Variants in TNRC6C observed in about 807,000 individuals in gnomAD.
TNRC6C encodes trinucleotide repeat containing adaptor 6C, also known as trinucleotide repeat-containing gene 6C protein.
TNRC6C carries 20 observed loss-of-function variants against 153.7 expected under a neutral mutation model. The observed-to-expected ratio is 0.13, with a 90% CI of 0.09 to 0.19. The LOEUF (loss-of-function observed/expected upper bound fraction) is 0.19. Ranked by LOEUF, TNRC6C falls within the 10% of genes least tolerant of loss-of-function variation. TNRC6C has a pLI of 1.00. For synonymous variants in TNRC6C, 811 were observed against 841.4 expected (o/e 0.96, Z 0.63); for missense variants, 1,987 against 2,172.0 (o/e 0.91, Z 1.69).
At chr17:78,091,256 G>T in intron 13 of TNRC6C, 184 bp from the exon 16 acceptor site, 1 of 513,138 alleles carries the variant, frequency 1.9e-6, no homozygotes, top group Non-Finnish European at 3.1e-6. Flanking sequence ...AACCTGGGAG[G>T]CGGAGGTTGC....
chr17:77,979,760 AAAAT>A (rs2071047992), intron 1 of TNRC6C, among the ~76,000 whole-genome samples: 2 of 152,176 alleles, frequency 1.3e-5, no homozygotes, highest in African/African-American at 4.8e-5. Context: ...CCAAAAAACA[AAAAT>A]AAAGGGAAAA....
intron 2 of TNRC6C, among the ~76,000 whole-genome samples, chr17:78,045,417 C>G (rs558727825): frequency 6.6e-6 from 1 of 151,978 alleles, no homozygotes; most frequent in African/African-American, 2.4e-5. Flanking sequence ...CCAGTATTGC[C>G]CCATTGGTGG....
exon 20 of TNRC6C, chr17:78,105,588 C>G (rs1470471832): frequency 6.6e-6 from 1 of 152,206 alleles, no homozygotes; most frequent in African/African-American, 2.4e-5. Context: ...GGAAAAATTT[C>G]TAAGTTCATA....
rs2073069245 is a variant in TNRC6C at position 78,075,530 on chromosome 17, G to T, written c.3060+252G>T. The T allele has an allele frequency of 2.0e-6, 1 of 508,412 alleles. No homozygotes were observed. 31.5% of individuals were successfully genotyped at this position (508,412 alleles called of 1,614,324 possible). A position where few individuals can be genotyped will look rare whatever the true frequency, so the allele number is the denominator to read the frequency against. On this transcript the variant is annotated intron_variant, in intron 8 of 19. Transcript: ENST00000301624. The surrounding 1 kb of genome is among the most constrained non-coding windows in gnomAD (Gnocchi z 4.2). The stretch of plus-strand genomic sequence containing the variant: ...CATATTTATTGTGTGAACTTGGCTG[G>T]TTATCTGCTTCAATTTGTCCAATGG...
At chr17:77,971,922 A>G (rs2070943005) in intron 1 of TNRC6C, among the ~76,000 whole-genome samples, 1 of 152,002 alleles carries the variant, frequency 6.6e-6, no homozygotes. Context: ...AAACTGTACT[A>G]GGAGAGAAAT....
chr17:77,984,085 T>C (rs1324520614), intron 1 of TNRC6C, among the ~76,000 whole-genome samples: 3 of 152,200 alleles, frequency 2.0e-5, no homozygotes, highest in Non-Finnish European at 4.4e-5. Flanking sequence ...GTTCCCAGTT[T>C]ATGTAAATCC....
At chr17:78,050,175 G>C (rs1312355893) in exon 3 of TNRC6C, 2 of 1,563,288 alleles carry the variant, frequency 1.3e-6, no homozygotes, top group East Asian at 2.2e-5. Context: ...TCACCAGCCA[G>C]AACCCTACCG....
intron 6 of TNRC6C, 122 bp downstream of exon 8, chr17:78,071,287 A>G (rs1403572817): frequency 1.0e-6 from 1 of 972,044 alleles, no homozygotes; most frequent in Non-Finnish European, 1.6e-6. Flanking sequence ...GGAATGAGAT[A>G]TTGACATCAT....
chr17:78,071,082 A>G lies in TNRC6C; in HGVS notation c.2779-3A>G, dbSNP rs1424583760. Reference sequence around the variant, plus strand: ...CTTCCCCCTTTCCCACACTTTGTTCAAGGGCATGAAGACGTCTGGCAAGCA... The same window carrying G: ...CTTCCCCCTTTCCCACACTTTGTTCGAGGGCATGAAGACGTCTGGCAAGCA... On this transcript the variant is annotated splice_polypyrimidine_tract_variant and splice_region_variant and intron_variant, in intron 5 of 19. Transcript: ENST00000301624. 8 of 1,599,636 alleles carry G rather than the reference A, an allele frequency of 5.0e-6. No homozygotes were observed. In the East Asian group the frequency reaches 1.6e-4, roughly 31 times the overall value.
chr17:78,074,644 A>C (rs79538619), intron 7 of TNRC6C, among the ~76,000 whole-genome samples: 2,401 of 152,348 alleles, frequency 0.016, 28 homozygotes, highest in South Asian at 0.037. Context: ...CTGGAAGAAT[A>C]CTTGCAGATA....
intron 1 of TNRC6C, among the ~76,000 whole-genome samples, chr17:77,972,140 A>G (rs899853394): frequency 2.6e-5 from 4 of 152,220 alleles, no homozygotes; most frequent in African/African-American, 9.6e-5. Flanking sequence ...GGATAATTGC[A>G]AAGATCAACA....
At chr17:78,028,132 T>TGA (rs1286519227) in intron 1 of TNRC6C, among the ~76,000 whole-genome samples, 2 of 152,194 alleles carry the variant, frequency 1.3e-5, no homozygotes, top group Non-Finnish European at 2.9e-5. Flanking sequence ...TCTGACCTTG[T>TGA]GATCTGCCCG....
intron 1 of TNRC6C, among the ~76,000 whole-genome samples, chr17:78,009,083 A>AC (rs1429982537): frequency 6.6e-6 from 1 of 152,116 alleles, no homozygotes; most frequent in Non-Finnish European, 1.5e-5. Flanking sequence ...ATTACCTGTT[A>AC]CCTTAGTGAG....
rs141632456 is a variant in TNRC6C at position 78,028,127 on chromosome 17, C to T, written c.-545-3389C>T. Among the ~76,000 whole-genome samples, 12 of 152,200 alleles carry T rather than the reference C, an allele frequency of 7.9e-5. No individual in the cohort carries two copies. The East Asian group carries it at 2.3e-3, about 29-fold the overall frequency. On this transcript the variant is annotated intron_variant, in intron 1 of 19. Transcript: ENST00000301624. ...GTTAGTCAGGATGGTCTCGATCTGACCTTGTGATCTGCCCGCCTCGGCCTC... is the reference window on the plus strand; with the variant it reads ...GTTAGTCAGGATGGTCTCGATCTGATCTTGTGATCTGCCCGCCTCGGCCTC...
At chr17:78,083,913 A>C (rs2073227410) in intron 11 of TNRC6C, among the ~76,000 whole-genome samples, 1 of 152,172 alleles carries the variant, frequency 6.6e-6, no homozygotes, top group Non-Finnish European at 1.5e-5. Context: ...TAAAAGACCC[A>C]GTTAATTATT....
intron 1 of TNRC6C, among the ~76,000 whole-genome samples, chr17:77,986,864 C>T (rs1235371386): frequency 1.3e-5 from 2 of 152,032 alleles, no homozygotes; most frequent in Non-Finnish European, 2.9e-5. Context: ...CTGTTAGTTA[C>T]AGAAAAGAAG....
chr17:78,037,667 G>A (rs1227521661), intron 2 of TNRC6C, among the ~76,000 whole-genome samples: 1 of 152,150 alleles, frequency 6.6e-6, no homozygotes, highest in Admixed American at 6.5e-5. Flanking sequence ...GGGGGGCAGT[G>A]GGAAGATGTA....
chr17:78,076,475 T>G (rs185885633), intron 8 of TNRC6C, among the ~76,000 whole-genome samples: 204 of 152,268 alleles, frequency 1.3e-3, no homozygotes, highest in Non-Finnish European at 1.9e-3. Flanking sequence ...ATAAAATTAC[T>G]GTTATCTGAA....
At chr17:77,993,222 A>T (rs997838757) in intron 1 of TNRC6C, among the ~76,000 whole-genome samples, 2 of 152,174 alleles carry the variant, frequency 1.3e-5, no homozygotes, top group African/African-American at 4.8e-5. Context: ...TCTGCCTCCC[A>T]AAGTGCTGGG....
Sources: allele counts gnomAD v4.1 joint callset (sites outside exome capture counted in the v4.1 genomes callset), GRCh38; gene constraint gnomAD v4.1.1; non-coding constraint Gnocchi (gnomAD v3.1); transcripts MANE v1.5; gene names NCBI Gene and HGNC (gene_info 2026-07-23, HGNC 2026-07-21).